FGF14: variants seen among roughly 807,000 people sequenced by gnomAD.
The protein encoded by FGF14 is fibroblast growth factor 14, also known as fibroblast growth factor homologous factor 4.
In FGF14, 5 loss-of-function variants were observed where a neutral mutation model predicts 25.5. That is an observed-to-expected ratio of 0.20 (90% CI 0.10 to 0.41). The LOEUF is 0.41. Among genes scored for constraint, FGF14 ranks in the 10% least tolerant of loss-of-function variants. The probability of loss-of-function intolerance (pLI) is 1.00; values close to 1 mark genes in which losing one functional copy is unlikely to be tolerated. For synonymous variants in FGF14, 138 were observed against 118.3 expected (o/e 1.17, Z -1.08); for missense variants, 222 against 320.1 (o/e 0.69, Z 2.34).
chr13:102,388,375 T>C (rs2058355239), intron 1 of FGF14, among the ~76,000 whole-genome samples: 1 of 152,232 alleles, frequency 6.6e-6, no homozygotes, highest in African/African-American at 2.4e-5. Flanking sequence ...ATCAACTACA[T>C]GTAACAACAA....
chr13:102,269,434 C>T (rs72647448), intron 1 of FGF14, among the ~76,000 whole-genome samples: 5,705 of 152,216 alleles, frequency 0.037, 177 homozygotes, highest in Admixed American at 0.1. Context: ...CTTATAAAAA[C>T]AGTATTAAGA....
At chr13:102,161,709 GAAGAAGAAGAAGA>G (rs2047775496) in intron 1 of FGF14, among the ~76,000 whole-genome samples, 1 of 149,004 alleles carries the variant, frequency 6.7e-6, no homozygotes, top group Non-Finnish European at 1.5e-5. Flanking sequence ...AGAAGAAGAA[GAAGAAGAAGAAGA>G]AGAATAGAAA....
intron 1 of FGF14, among the ~76,000 whole-genome samples, chr13:101,959,991 C>T (rs1239912608): frequency 6.6e-6 from 1 of 152,156 alleles, no homozygotes; most frequent in Non-Finnish European, 1.5e-5. Context: ...CTCAGCTTAA[C>T]CATTTAAAGC....
At chr13:101,780,469 T>C (rs2039422145) in intron 3 of FGF14, among the ~76,000 whole-genome samples, 1 of 152,196 alleles carries the variant, frequency 6.6e-6, no homozygotes, top group Non-Finnish European at 1.5e-5. Flanking sequence ...CCAATGTCAA[T>C]CTAAAGATGC....
chr13:102,122,965 C>T (rs1489489220), intron 1 of FGF14, among the ~76,000 whole-genome samples: 2 of 152,092 alleles, frequency 1.3e-5, no homozygotes, highest in Non-Finnish European at 2.9e-5. Flanking sequence ...CTTTACCTAC[C>T]AAATGCTGCC....
intron 1 of FGF14, among the ~76,000 whole-genome samples, chr13:101,959,927 C>T (rs988315218): frequency 1.3e-5 from 2 of 152,164 alleles, no homozygotes; most frequent in African/African-American, 2.4e-5. Flanking sequence ...AAGTCTAAAA[C>T]TGCTCAGTTA....
intron 3 of FGF14, among the ~76,000 whole-genome samples, chr13:101,741,695 T>A (rs948294771): frequency 6.6e-6 from 1 of 152,144 alleles, no homozygotes; most frequent in Non-Finnish European, 1.5e-5. Flanking sequence ...TTCTATATAC[T>A]TTGATTCTAT....
intron 1 of FGF14, among the ~76,000 whole-genome samples, chr13:102,202,304 CAGTT>C (rs1275738013): frequency 3.3e-5 from 5 of 152,124 alleles, no homozygotes; most frequent in Non-Finnish European, 7.3e-5. Context: ...GGTCGGGAAA[CAGTT>C]AGTGCCAAGG....
chr13:102,350,261 C>A (rs1045509552), intron 1 of FGF14, among the ~76,000 whole-genome samples: 2 of 152,028 alleles, frequency 1.3e-5, no homozygotes, highest in African/African-American at 2.4e-5. Context: ...CCCAGCTACT[C>A]AGGATGCTGA....
At chr13:101,904,551 CT>C (rs1220855213) in intron 1 of FGF14, among the ~76,000 whole-genome samples, 1 of 152,156 alleles carries the variant, frequency 6.6e-6, no homozygotes, top group Non-Finnish European at 1.5e-5. Flanking sequence ...AAAGACTTAG[CT>C]TGTAAACGAA....
chr13:101,897,140 T>C (rs146130287), intron 1 of FGF14, among the ~76,000 whole-genome samples: 7 of 152,308 alleles, frequency 4.6e-5, no homozygotes, highest in East Asian at 3.9e-4. Context: ...TTCTGATCCA[T>C]AGACATGTGG....
chr13:101,759,145 G>T (rs61965131), intron 3 of FGF14, among the ~76,000 whole-genome samples: 2 of 152,132 alleles, frequency 1.3e-5, no homozygotes, highest in Non-Finnish European at 2.9e-5. Flanking sequence ...GTTGATTTGG[G>T]TAGAGTCACA....
intron 1 of FGF14, among the ~76,000 whole-genome samples, chr13:102,135,404 T>C (rs537260198): frequency 6.6e-5 from 10 of 152,184 alleles, no homozygotes; most frequent in Non-Finnish European, 1.0e-4. Context: ...CAGCAGCATT[T>C]AGTTTCTACA....
intron 1 of FGF14, among the ~76,000 whole-genome samples, chr13:101,954,138 T>C (rs1011615176): frequency 6.6e-6 from 1 of 152,146 alleles, no homozygotes; most frequent in South Asian, 2.1e-4. Context: ...CCATGGTCAG[T>C]GTTGAGAACA....
chr13:102,189,662 C>G (rs1210768195), intron 1 of FGF14, among the ~76,000 whole-genome samples: 1 of 152,136 alleles, frequency 6.6e-6, no homozygotes, highest in Non-Finnish European at 1.5e-5. Flanking sequence ...TATTACCACA[C>G]TTTGCATTAC....
chr13:101,893,599 G>A (rs976293982), intron 1 of FGF14, among the ~76,000 whole-genome samples: 1 of 152,092 alleles, frequency 6.6e-6, no homozygotes, highest in Non-Finnish European at 1.5e-5. Context: ...GGAAGGCAGA[G>A]GTGACTATTA....
At chr13:102,019,579 C>A (rs777826669) in intron 1 of FGF14, among the ~76,000 whole-genome samples, 2 of 152,128 alleles carry the variant, frequency 1.3e-5, no homozygotes, top group Non-Finnish European at 2.9e-5. Flanking sequence ...AGTAATGGAG[C>A]AGGTATTCAA....
chr13:102,321,538 T>A (rs551234216), intron 1 of FGF14, among the ~76,000 whole-genome samples: 81 of 152,300 alleles, frequency 5.3e-4, no homozygotes, highest in South Asian at 4.8e-3. Flanking sequence ...TTTTGATAAA[T>A]TCTTGTTAGT....
intron 1 of FGF14, among the ~76,000 whole-genome samples, chr13:102,174,556 A>G (rs2048369509): frequency 6.6e-6 from 1 of 152,144 alleles, no homozygotes; most frequent in African/African-American, 2.4e-5. Flanking sequence ...AAAATAAAAT[A>G]TCCAGGAATA....
Sources: allele counts gnomAD v4.1 joint callset (sites outside exome capture counted in the v4.1 genomes callset), GRCh38; gene constraint gnomAD v4.1.1; transcripts MANE v1.5; gene names NCBI Gene and HGNC (gene_info 2026-07-23, HGNC 2026-07-21).